The following EIF4E3 variants were observed in gnomAD, a reference collection of about 807,000 sequenced individuals.
The protein encoded by EIF4E3 is eukaryotic translation initiation factor 4E family member 3, also known as eukaryotic translation initiation factor 4E type 3.
A neutral mutation model predicts 31.7 loss-of-function variants in EIF4E3; 26 were observed. That is an observed-to-expected ratio of 0.82 (90% CI 0.60 to 1.14). The LOEUF is 1.14. EIF4E3 is among the 50% of genes most tolerant of loss of function. EIF4E3 has a pLI of 0.00. For missense variants in EIF4E3, 304 were observed against 270.9 expected (o/e 1.12, Z -0.86); for synonymous variants, 128 against 107.7 (o/e 1.19, Z -1.17).
chr3:71,754,477 T>A, upstream of EIF4E3: 4 of 1,309,524 alleles, frequency 3.1e-6, no homozygotes, highest in Non-Finnish European at 3.9e-6. The surrounding 1 kb of genome is among the most constrained non-coding windows in gnomAD (Gnocchi z 5.8). Flanking sequence ...GCCGCCATGC[T>A]GGTGTGCGCC....
the EIF4E3 span, among the ~76,000 whole-genome samples, chr3:71,667,044 G>A: frequency 1.3e-5 from 2 of 152,162 alleles, no homozygotes; most frequent in Non-Finnish European, 2.9e-5. Flanking sequence ...ACATTAAAAA[G>A]CTTATCCACC....
chr3:71,735,401 A>G (rs2049752605), intron 1 of EIF4E3, among the ~76,000 whole-genome samples: 1 of 152,232 alleles, frequency 6.6e-6, no homozygotes, highest in Non-Finnish European at 1.5e-5. Flanking sequence ...TGGAAATCAG[A>G]TAATATAATA....
chr3:71,751,816 G>A (rs55853202), intron 1 of EIF4E3, among the ~76,000 whole-genome samples: 52,053 of 152,002 alleles, frequency 0.34, 10,200 homozygotes, highest in East Asian at 0.67. Flanking sequence ...GCAGCCTACT[G>A]TGATCATGAG....
intron 1 of EIF4E3, among the ~76,000 whole-genome samples, chr3:71,721,572 C>T (rs902792441): frequency 6.6e-6 from 1 of 152,004 alleles, no homozygotes; most frequent in Non-Finnish European, 1.5e-5. Context: ...GTGGCTTCCC[C>T]CATGCTGTTT....
the EIF4E3 span, among the ~76,000 whole-genome samples, chr3:71,664,237 A>G: frequency 6.6e-6 from 1 of 152,210 alleles, no homozygotes; most frequent in Non-Finnish European, 1.5e-5. Context: ...TTAGGATACC[A>G]CACAAAACCA....
chr3:71,724,949 T>G (rs1578376389), intron 1 of EIF4E3, among the ~76,000 whole-genome samples: 1 of 152,188 alleles, frequency 6.6e-6, no homozygotes, highest in East Asian at 1.9e-4. Context: ...TGCCGAAACT[T>G]TTCGGGCTGC....
At chr3:71,696,435 T>C (rs920465078) in intron 4 of EIF4E3, 25 bp downstream of exon 4, 2 of 1,613,636 alleles carry the variant, frequency 1.2e-6, no homozygotes, top group African/African-American at 1.3e-5. Flanking sequence ...TCGCCGGTTC[T>C]AGAAGAGGAT....
At chr3:71,725,482 A>C (rs2049624353), upstream of EIF4E3, 2 of 453,062 alleles carry the variant, frequency 4.4e-6, no homozygotes, top group South Asian at 8.5e-5. This position sits in a 1 kb window ranked among gnomAD's most constrained non-coding sequence, Gnocchi z 6.1. Flanking sequence ...GCCCCGGGCT[A>C]GCCGCCCGCC....
At chr3:71,672,751 A>G (rs1190157248), downstream of EIF4E3, among the ~76,000 whole-genome samples, 1 of 151,958 alleles carries the variant, frequency 6.6e-6, no homozygotes, top group African/African-American at 2.4e-5. Flanking sequence ...TCTTCTCCGC[A>G]GAGCTGCCTG....
Position 71,725,353 on chromosome 3 carries a change from C to T in EIF4E3, c.15G>A (p.Pro5=), listed in dbSNP as rs896894106. The T allele has an allele frequency of 4.1e-6, 4 of 976,528 alleles. No homozygotes were observed. Among genetic ancestry groups the T allele is most frequent in the Non-Finnish European group, 4.8e-6 (4 of 824,846 alleles). The allele number at this position is 976,528 out of a possible 1,614,324, so 60.5% of individuals were successfully genotyped here. A position where few individuals can be genotyped will look rare whatever the true frequency, so the allele number is the denominator to read the frequency against. The change falls in exon 1 of 7, where the codon CCG becomes CCA. Residue 5 remains proline (P), a synonymous_variant. Coordinates refer to ENST00000425534, the MANE Select transcript of EIF4E3 (RefSeq NM_001134651.2). This position sits in a 1 kb window ranked among gnomAD's most constrained non-coding sequence, Gnocchi z 6.1. ...GGGCCCCGGCGGGGGGCGCGGCGGC[C>T]GGGGGCAGCGCCATTTTCTCCGCCC... MALP[P]AAAPPAGARE... is the part of the protein sequence containing the mutation.
At chr3:71,751,089 G>T (rs943421469) in intron 1 of EIF4E3, among the ~76,000 whole-genome samples, 1 of 151,858 alleles carries the variant, frequency 6.6e-6, no homozygotes, top group Non-Finnish European at 1.5e-5. Flanking sequence ...AAAAATTAGC[G>T]GGGCATGGTG....
In EIF4E3 at chr3:71,685,424, A is replaced by G. The variant is rs562797459; in HGVS notation, c.629-696T>C. On this transcript the variant is annotated intron_variant, in intron 6 of 6. Transcript: ENST00000425534. ...GCCCAGGCTGGAGTGCAGTGGCGCA[A>G]TCTTGGCTCACTGCAACCTCCTCTG... is the stretch of plus-strand genomic sequence containing the variant. Among the ~76,000 whole-genome samples, 4 of 152,322 alleles carry G rather than the reference A, an allele frequency of 2.6e-5. No individual in the cohort carries two copies. The East Asian group carries it at 7.7e-4, about 29-fold the overall frequency.
At chr3:71,754,357 C>T (rs1294363229), upstream of EIF4E3, 4 of 1,316,694 alleles carry the variant, frequency 3.0e-6, no homozygotes, top group African/African-American at 6.1e-5. This position sits in a 1 kb window ranked among gnomAD's most constrained non-coding sequence, Gnocchi z 5.8. Context: ...TTCCTGGCCG[C>T]GCTCTTCTGC....
rs567364358 is a variant in EIF4E3, at chr3:71,681,033, A to G, written c.*3649T>C. The G allele has an allele frequency of 2.6e-5, 4 of 152,230 alleles. No homozygotes were observed. The highest frequency in any genetic ancestry group is 3.8e-4 in the East Asian group (2 of 5,206). The allele number at this position is 152,230 out of a possible 1,614,324, so 9.4% of individuals were successfully genotyped here. On this transcript the variant is annotated 3_prime_UTR_variant, in exon 7 of 7. Transcript: ENST00000425534. Reference sequence around the variant, plus strand: ...CATAATATTTGATGAAATATTTTCCATATCTCCTATATGTGAGTTTATTTT... The same window carrying G: ...CATAATATTTGATGAAATATTTTCCGTATCTCCTATATGTGAGTTTATTTT...
At chr3:71,663,700 G>A in the EIF4E3 span, among the ~76,000 whole-genome samples, 12 of 152,210 alleles carry the variant, frequency 7.9e-5, no homozygotes, top group South Asian at 2.1e-4. Context: ...GGCCTTTACC[G>A]GGAGACGTCC....
intron 1 of EIF4E3, among the ~76,000 whole-genome samples, chr3:71,730,881 G>A (rs1274144629): frequency 6.6e-6 from 1 of 151,948 alleles, no homozygotes; most frequent in Non-Finnish European, 1.5e-5. Context: ...ATGCCACCAT[G>A]CCCTGCTAAT....
At chr3:71,712,644 G>GGGGGGGGGGTGGC (rs35405190) in intron 1 of EIF4E3, among the ~76,000 whole-genome samples, 1 of 123,988 alleles carries the variant, frequency 8.1e-6, no homozygotes, top group Non-Finnish European at 1.6e-5. Context: ...GTGGGCGGGG[G>GGGGGGGGGGTGGC]AGATTCTAGG....
At chr3:71,689,876 G>C (rs886325420) in intron 6 of EIF4E3, 134 bp downstream of exon 6, 1 of 800,606 alleles carries the variant, frequency 1.2e-6, no homozygotes, top group Middle Eastern at 4.3e-4. Context: ...AAACTTAAAT[G>C]TATTTTGTTG....
At chr3:71,740,724 C>A (rs779656201) in intron 1 of EIF4E3, among the ~76,000 whole-genome samples, 2 of 152,150 alleles carry the variant, frequency 1.3e-5, no homozygotes, top group Admixed American at 6.5e-5. Flanking sequence ...TAGAGCAAGA[C>A]CCTGTCTCGA....
Sources: allele counts gnomAD v4.1 joint callset (sites outside exome capture counted in the v4.1 genomes callset), GRCh38; gene constraint gnomAD v4.1.1; non-coding constraint Gnocchi (gnomAD v3.1); transcripts MANE v1.5; gene names NCBI Gene and HGNC (gene_info 2026-07-23, HGNC 2026-07-21).